The following MAPRE2 variants were observed in gnomAD, a reference collection of about 807,000 sequenced individuals.
MAPRE2 encodes microtubule associated protein RP/EB family member 2.
In MAPRE2, 13 loss-of-function variants were observed where a neutral mutation model predicts 43.2. That is an observed-to-expected ratio of 0.30 (90% CI 0.20 to 0.48). MAPRE2 has a LOEUF of 0.48. MAPRE2 is among the 20% of genes least tolerant of loss of function. The pLI is 0.99. For synonymous variants in MAPRE2, 135 were observed against 148.8 expected (o/e 0.91, Z 0.68); for missense variants, 161 against 400.2 (o/e 0.40, Z 5.10).
intron 2 of MAPRE2, among the ~76,000 whole-genome samples, chr18:35,076,310 A>G (rs962409179): frequency 3.3e-5 from 5 of 152,140 alleles, no homozygotes; most frequent in Non-Finnish European, 7.3e-5. Flanking sequence ...AAGACCAGAG[A>G]CCACACTGTG....
intron 1 of MAPRE2, among the ~76,000 whole-genome samples, chr18:35,002,568 C>T (rs1194726715): frequency 6.6e-6 from 1 of 152,142 alleles, no homozygotes; most frequent in Non-Finnish European, 1.5e-5. Flanking sequence ...CCCTCGCCAA[C>T]ATTTGGTGTT....
Position 34,999,150 on chromosome 18 carries a change from C to T in MAPRE2, c.-69-6342C>T, listed in dbSNP as rs559844550. Among the ~76,000 whole-genome samples the T allele has an allele frequency of 1.4e-4, 22 of 152,282 alleles. No individual in the cohort carries two copies. In the South Asian group the frequency reaches 3.1e-3, roughly 22 times the overall value. Reference sequence around the variant, plus strand: ...AACATGCATTCTGCCACGTAACATGCATTCTCCCACATTTCATTATTAATT... The same window carrying T: ...AACATGCATTCTGCCACGTAACATGTATTCTCCCACATTTCATTATTAATT... On this transcript the variant is annotated intron_variant, in intron 1 of 7. Coordinates refer to the MAPRE2 transcript ENST00000413393.
intron 4 of MAPRE2, among the ~76,000 whole-genome samples, chr18:35,106,649 C>T (rs1019595060): frequency 6.6e-6 from 1 of 151,954 alleles, no homozygotes. Context: ...CAGATAAAAG[C>T]TTTTCTTTAT....
In MAPRE2 at chr18:35,001,536, G is replaced by A. The variant is rs528730223; in HGVS notation, c.-69-3956G>A. ...CTCAAAAAAAAAAAAAAAAAGATAC[G>A]TGATGTATCAAGCTGCTATTTCAAA... On this transcript the variant is annotated intron_variant, in intron 1 of 7. Coordinates refer to the MAPRE2 transcript ENST00000413393. Among the ~76,000 whole-genome samples, 13 of 151,454 alleles carry A rather than the reference G, an allele frequency of 8.6e-5. No homozygotes were observed. The South Asian group carries it at 1.9e-3, about 22-fold the overall frequency.
chr18:35,089,618 C>G (rs1252163923), intron 2 of MAPRE2, among the ~76,000 whole-genome samples: 1 of 152,174 alleles, frequency 6.6e-6, no homozygotes, highest in Non-Finnish European at 1.5e-5. Flanking sequence ...CACTTCACAT[C>G]CATTAGGATG....
intron 1 of MAPRE2, among the ~76,000 whole-genome samples, chr18:35,003,499 A>C (rs2097030359): frequency 6.6e-6 from 1 of 152,238 alleles, no homozygotes; most frequent in South Asian, 2.1e-4. Context: ...ACTGGTGCAT[A>C]AGGTGTTCAA....
rs149491963 is a variant in MAPRE2, at chr18:35,022,269, A to C, written c.-8+16716A>C. On this transcript the variant is annotated intron_variant, in intron 2 of 7. Transcript: ENST00000413393. ...GAATCCAATTACAAGAAGTATAAGA[A>C]ATACCAGGATGCTAGCAGGGATATC... 2.4e-3 allele frequency among the ~76,000 whole-genome samples: 373 copies of C among 152,314 alleles called. 1 individual carries two copies. Among genetic ancestry groups the C allele is most frequent in the African/African-American group, 8.6e-3 (357 of 41,574 alleles).
At chr18:35,089,304 A>C (rs1908029451) in intron 2 of MAPRE2, among the ~76,000 whole-genome samples, 1 of 152,246 alleles carries the variant, frequency 6.6e-6, no homozygotes, top group South Asian at 2.1e-4. Context: ...TGAATAGCTA[A>C]ATTGGATTTT....
intron 2 of MAPRE2, chr18:35,005,620 A>G (rs1302303145): frequency 4.3e-6 from 4 of 931,454 alleles, no homozygotes; most frequent in East Asian, 5.6e-5. Flanking sequence ...GAGTAGTAAT[A>G]TTGTCATTGT....
At chr18:35,057,550 G>A (rs1906303876) in intron 1 of MAPRE2, among the ~76,000 whole-genome samples, 1 of 143,794 alleles carries the variant, frequency 7.0e-6, no homozygotes, top group Non-Finnish European at 1.5e-5. Flanking sequence ...ATTTGTCAGG[G>A]GCTGCTAGGT....
intron 1 of MAPRE2, among the ~76,000 whole-genome samples, chr18:34,994,510 A>T (rs549729302): frequency 6.6e-6 from 1 of 152,228 alleles, no homozygotes; most frequent in South Asian, 2.1e-4. Context: ...TGGCAGGGCC[A>T]GAAAGGCCAG....
At chr18:35,083,227 T>G (rs1786477825) in intron 2 of MAPRE2, among the ~76,000 whole-genome samples, 1 of 152,172 alleles carries the variant, frequency 6.6e-6, no homozygotes, top group South Asian at 2.1e-4. Context: ...CTTTAAAAAA[T>G]AAAGCACCTT....
At chr18:35,049,309 T>TC (rs1198890031) in intron 1 of MAPRE2, among the ~76,000 whole-genome samples, 1 of 152,128 alleles carries the variant, frequency 6.6e-6, no homozygotes, top group African/African-American at 2.4e-5. Context: ...GTGAGCTCCT[T>TC]CCCCCACTCC....
chr18:35,077,921 G>C (rs575098585), intron 2 of MAPRE2, among the ~76,000 whole-genome samples: 1 of 152,140 alleles, frequency 6.6e-6, no homozygotes, highest in Non-Finnish European at 1.5e-5. Context: ...AAGTTATTTT[G>C]AATTTTTAAA....
intron 2 of MAPRE2, among the ~76,000 whole-genome samples, chr18:35,094,962 T>G (rs1908334033): frequency 6.6e-6 from 1 of 152,176 alleles, no homozygotes; most frequent in African/African-American, 2.4e-5. Flanking sequence ...CTGGCCACTT[T>G]CAGCTTCTGT....
At chr18:34,994,302 T>C (rs1221970623) in intron 1 of MAPRE2, among the ~76,000 whole-genome samples, 1 of 152,200 alleles carries the variant, frequency 6.6e-6, no homozygotes, top group Admixed American at 6.5e-5. Context: ...ACACGTAATC[T>C]GTACAACAAT....
intron 6 of MAPRE2, among the ~76,000 whole-genome samples, chr18:35,139,595 G>A (rs963961376): frequency 3.3e-5 from 5 of 152,230 alleles, no homozygotes; most frequent in Non-Finnish European, 7.3e-5. Context: ...GCCCCAAGCA[G>A]TCTAAGTAGA....
intron 1 of MAPRE2, among the ~76,000 whole-genome samples, chr18:35,058,618 T>A (rs1044400892): frequency 1.1e-4 from 17 of 152,192 alleles, no homozygotes; most frequent in African/African-American, 4.1e-4. Flanking sequence ...GATATTAACA[T>A]ACCTTATATG....
At chr18:35,092,948 A>G (rs911079194) in intron 2 of MAPRE2, among the ~76,000 whole-genome samples, 2 of 152,194 alleles carry the variant, frequency 1.3e-5, no homozygotes, top group African/African-American at 4.8e-5. Context: ...GCAGTGGCTC[A>G]TGCCTGTAAT....
Sources: gnomAD v4.1 joint callset for allele counts (sites outside exome capture counted in the v4.1 genomes callset) on GRCh38, gnomAD v4.1.1 for gene constraint, MANE v1.5 for transcripts, NCBI Gene and HGNC (gene_info 2026-07-23, HGNC 2026-07-21) for gene names.